Variants in RCOR1 observed in about 807,000 individuals in gnomAD.
RCOR1 encodes REST corepressor 1.
Under a neutral mutation model 64.0 loss-of-function variants are expected in RCOR1, and 12 were observed. The observed-to-expected ratio is 0.19, with a 90% CI of 0.12 to 0.30. The LOEUF is 0.30. Among genes scored for constraint, RCOR1 ranks in the 10% least tolerant of loss-of-function variants. The pLI, the probability that RCOR1 is intolerant of heterozygous loss-of-function variation, is 1.00. For missense variants in RCOR1, 502 were observed against 621.2 expected (o/e 0.81, Z 2.04); for synonymous variants, 279 against 227.2 (o/e 1.23, Z -2.05).
chr14:102,705,537 T>C (rs1206017560), intron 4 of RCOR1, among the ~76,000 whole-genome samples: 1 of 152,154 alleles, frequency 6.6e-6, no homozygotes, highest in Non-Finnish European at 1.5e-5. Context: ...CTCAAACCCC[T>C]GGGCTCAGTC....
chr14:102,679,316 A>T (rs142128346), intron 2 of RCOR1, among the ~76,000 whole-genome samples: 1 of 152,046 alleles, frequency 6.6e-6, no homozygotes, highest in African/African-American at 2.4e-5. Flanking sequence ...TTTTAAAAAA[A>T]TGTTTGTTTT....
In RCOR1 at chr14:102,708,548, C is replaced by T. The variant is rs757369241; in HGVS notation, c.744C>T (p.Arg248=). The change falls in exon 6 of 12, where the codon CGC becomes CGT. Residue 248 remains arginine, a synonymous_variant. Coordinates refer to ENST00000262241, the MANE Select transcript of RCOR1 (RefSeq NM_015156.4). ...GGACTAAAACTAGTGTGATGGATCG[C>T]CATGCCCGGAAACAAAAACGGGAGC... ...KTRTKTSVMD[R]HARKQKRERE... 4.3e-6 allele frequency: 7 copies of T among 1,612,144 alleles called. No homozygotes were observed. The South Asian group carries it at 6.6e-5, about 15-fold the overall frequency.
Position 102,726,326 on chromosome 14 carries a change from C to T in RCOR1, c.1420-142C>T. On this transcript the variant is annotated intron_variant, in intron 11 of 11. Coordinates refer to ENST00000262241, the MANE Select transcript of RCOR1 (RefSeq NM_015156.4). ...GGGAGACAGAGTGAGACCTGTCTCCCCTCCAAAAAAAAAAAAAAGAACTCG... is the reference window on the plus strand; with the variant it reads ...GGGAGACAGAGTGAGACCTGTCTCCTCTCCAAAAAAAAAAAAAAGAACTCG... 4 of 725,170 alleles carry T rather than the reference C, an allele frequency of 5.5e-6. No individual in the cohort carries two copies. In the South Asian group the frequency reaches 6.8e-5, roughly 12 times the overall value. 44.9% of individuals were successfully genotyped at this position (725,170 alleles called of 1,614,324 possible). A position where few individuals can be genotyped will look rare whatever the true frequency, so the allele number is the denominator to read the frequency against.
chr14:102,720,001 G>A (rs765234688), intron 8 of RCOR1, among the ~76,000 whole-genome samples: 1 of 152,220 alleles, frequency 6.6e-6, no homozygotes, highest in African/African-American at 2.4e-5. Flanking sequence ...CTAAGAGATT[G>A]TAATGTCTAG....
intron 2 of RCOR1, among the ~76,000 whole-genome samples, chr14:102,618,452 G>A (rs1893807476): frequency 6.7e-6 from 1 of 150,220 alleles, no homozygotes; most frequent in Admixed American, 6.7e-5. Flanking sequence ...TCTTCAGGGG[G>A]AAAAAAAAAG....
intron 2 of RCOR1, among the ~76,000 whole-genome samples, chr14:102,647,288 C>G (rs555477466): frequency 6.6e-6 from 1 of 152,246 alleles, no homozygotes; most frequent in African/African-American, 2.4e-5. Flanking sequence ...GCAGTGTCCT[C>G]AGAATTCTAG....
chr14:102,614,674 C>A (rs759284489), intron 2 of RCOR1, among the ~76,000 whole-genome samples: 4 of 152,056 alleles, frequency 2.6e-5, no homozygotes, highest in Non-Finnish European at 5.9e-5. Context: ...CATTTTTGTA[C>A]CGCATTCTTA....
intron 2 of RCOR1, among the ~76,000 whole-genome samples, chr14:102,654,024 C>T (rs1434522917): frequency 1.6e-5 from 2 of 124,104 alleles, no homozygotes; most frequent in African/African-American, 6.3e-5. Context: ...CTGGCTCTGT[C>T]GCCCAGGCCG....
At chr14:102,648,039 C>G (rs1894511608) in intron 2 of RCOR1, among the ~76,000 whole-genome samples, 2 of 152,148 alleles carry the variant, frequency 1.3e-5, no homozygotes, top group Non-Finnish European at 1.5e-5. Context: ...TTCCTTCAAG[C>G]TGACTCCTGT....
chr14:102,666,253 C>T (rs1294543771), intron 2 of RCOR1, among the ~76,000 whole-genome samples: 1 of 152,186 alleles, frequency 6.6e-6, no homozygotes, highest in African/African-American at 2.4e-5. Context: ...GAAAGATAAG[C>T]AGGCCAGATT....
At chr14:102,642,869 C>T (rs77665448) in intron 2 of RCOR1, among the ~76,000 whole-genome samples, 19,193 of 151,810 alleles carry the variant, frequency 0.13, 1,464 homozygotes, top group African/African-American at 0.21. Flanking sequence ...AGCATAGTAT[C>T]GGCAGAAAAG....
chr14:102,698,709 G>A lies in RCOR1; in HGVS notation c.446-2569G>A, dbSNP rs148015187. On this transcript the variant is annotated intron_variant, in intron 3 of 11. Transcript: ENST00000262241. Reference sequence around the variant, plus strand: ...CAGCTGGCCTGCTGTCTGTTTCTAGGTCTGGTATGCTGCCATTTGCATCTC... The same window carrying A: ...CAGCTGGCCTGCTGTCTGTTTCTAGATCTGGTATGCTGCCATTTGCATCTC... Among the ~76,000 whole-genome samples, 644 of 152,212 alleles carry A rather than the reference G, an allele frequency of 4.2e-3. 5 individuals carry two copies. Among genetic ancestry groups the A allele is most frequent in the Middle Eastern group, 0.024 (7 of 292 alleles).
intron 8 of RCOR1, among the ~76,000 whole-genome samples, chr14:102,718,831 C>T (rs931594467): frequency 3.3e-5 from 5 of 152,042 alleles, no homozygotes; most frequent in African/African-American, 1.2e-4. Context: ...CTCTGTTGTC[C>T]ATCCTGGGAC....
chr14:102,700,670 T>C (rs990898444), intron 3 of RCOR1, among the ~76,000 whole-genome samples: 14 of 152,252 alleles, frequency 9.2e-5, no homozygotes, highest in Non-Finnish European at 1.5e-4. Context: ...TTTTTCTCTT[T>C]TAAAGAAGAC....
At position 102,602,158 on chromosome 14, in the gene RCOR1, CAA is replaced by C. The variant is rs35761645; in HGVS notation, c.361+8847_361+8848del. Reference sequence around the variant, plus strand: ...TGGACGACAGAGCTAGACTCCGTCTCAAAAAAAAAAAAAAAGTGATAATATGT... The same window carrying C: ...TGGACGACAGAGCTAGACTCCGTCTCAAAAAAAAAAAAAGTGATAATATGT... On this transcript the variant is annotated intron_variant, in intron 2 of 11. Coordinates refer to ENST00000262241, the MANE Select transcript of RCOR1 (RefSeq NM_015156.4). Among the ~76,000 whole-genome samples, 263 of 132,556 alleles carry C rather than the reference CAA, an allele frequency of 2.0e-3. 2 individuals carry two copies. The highest frequency in any genetic ancestry group is 4.7e-3 in the Admixed American group (64 of 13,486). The allele number at this position is 132,556 out of a possible 152,430, so 87.0% of individuals were successfully genotyped here.
chr14:102,632,660 TTTCCTTTCCTTTCC>T (rs796322097), intron 2 of RCOR1, among the ~76,000 whole-genome samples: 2,463 of 65,556 alleles, frequency 0.038, 60 homozygotes, highest in Non-Finnish European at 0.053. Context: ...TTTCCTTTCC[TTTCCTTTCCTTTCC>T]TTTCCTTTTC....
intron 2 of RCOR1, among the ~76,000 whole-genome samples, chr14:102,654,252 G>A (rs971783309): frequency 6.6e-6 from 1 of 151,970 alleles, no homozygotes; most frequent in Non-Finnish European, 1.5e-5. Flanking sequence ...CTCCCAAAGT[G>A]TCGGGATTAC....
intron 3 of RCOR1, among the ~76,000 whole-genome samples, chr14:102,683,328 A>G (rs1057183071): frequency 2.8e-4 from 43 of 152,212 alleles, no homozygotes; most frequent in African/African-American, 1.0e-3. Context: ...CAAATTTGAC[A>G]GATATCAATA....
At chr14:102,598,138 G>T (rs535410533) in intron 2 of RCOR1, among the ~76,000 whole-genome samples, 4 of 151,840 alleles carry the variant, frequency 2.6e-5, no homozygotes, top group Non-Finnish European at 4.4e-5. Context: ...GGTATTTTTG[G>T]TAGAGATGGG....
Sources: gnomAD v4.1 joint callset for allele counts (sites outside exome capture counted in the v4.1 genomes callset) on GRCh38, gnomAD v4.1.1 for gene constraint, MANE v1.5 for transcripts, NCBI Gene and HGNC (gene_info 2026-07-23, HGNC 2026-07-21) for gene names.